LRRC4C: variants seen among roughly 807,000 people sequenced by gnomAD.
LRRC4C encodes leucine-rich repeat-containing protein 4C.
LRRC4C carries 5 observed loss-of-function variants against 33.6 expected under a neutral mutation model. The observed-to-expected ratio is 0.15, with a 90% CI of 0.08 to 0.31. The LOEUF is 0.31. Among genes scored for constraint, LRRC4C ranks in the 10% least tolerant of loss-of-function variants. The probability of loss-of-function intolerance (pLI) is 1.00; values close to 1 mark genes in which losing one functional copy is unlikely to be tolerated. For missense variants in LRRC4C, 560 were observed against 796.7 expected (o/e 0.70, Z 3.58); for synonymous variants, 329 against 302.0 (o/e 1.09, Z -0.93).
At chr11:40,467,631 C>A (rs1192670714) in intron 3 of LRRC4C, among the ~76,000 whole-genome samples, 12 of 152,124 alleles carry the variant, frequency 7.9e-5, no homozygotes, top group Non-Finnish European at 1.8e-4. Flanking sequence ...GTTTGCAAAA[C>A]TGTTCTTGAG....
At chr11:41,262,787 A>G (rs1005657114) in intron 1 of LRRC4C, among the ~76,000 whole-genome samples, 1 of 152,146 alleles carries the variant, frequency 6.6e-6, no homozygotes, top group Non-Finnish European at 1.5e-5. Context: ...ATTAGCAAGA[A>G]TAAAATAGGA....
intron 4 of LRRC4C, among the ~76,000 whole-genome samples, chr11:40,249,911 A>G (rs1866646286): frequency 6.6e-6 from 1 of 152,244 alleles, no homozygotes; most frequent in Non-Finnish European, 1.5e-5. Context: ...TTTAGTGCAG[A>G]ATAAAGTATA....
intron 2 of LRRC4C, among the ~76,000 whole-genome samples, chr11:40,928,461 G>T (rs1335264977): frequency 6.6e-6 from 1 of 151,836 alleles, no homozygotes; most frequent in Admixed American, 6.6e-5. Context: ...CACAATATGG[G>T]AGTAGTGGAA....
At chr11:40,826,134 C>T (rs371174978) in intron 2 of LRRC4C, among the ~76,000 whole-genome samples, 1 of 151,872 alleles carries the variant, frequency 6.6e-6, no homozygotes, top group Non-Finnish European at 1.5e-5. Flanking sequence ...TGTTAAAGAG[C>T]AAATCATTCC....
intron 1 of LRRC4C, among the ~76,000 whole-genome samples, chr11:41,411,190 C>A (rs1954472850): frequency 1.3e-5 from 1 of 74,818 alleles, no homozygotes. Context: ...GCTCTGTCGC[C>A]CAGGCTGGAG....
At chr11:40,273,411 A>G in intron 4 of LRRC4C, among the ~76,000 whole-genome samples, 1 of 152,158 alleles carries the variant, frequency 6.6e-6, no homozygotes, top group Non-Finnish European at 1.5e-5. Context: ...ACACTACCTT[A>G]AGGCAATGCT....
At chr11:40,239,009 A>C (rs1040765538) in intron 5 of LRRC4C, among the ~76,000 whole-genome samples, 1 of 152,170 alleles carries the variant, frequency 6.6e-6, no homozygotes, top group Non-Finnish European at 1.5e-5. Context: ...TTAAATTTCA[A>C]CATGGTACTA....
chr11:41,123,678 T>TG (rs924068766), intron 1 of LRRC4C, among the ~76,000 whole-genome samples: 4 of 95,830 alleles, frequency 4.2e-5, no homozygotes, highest in Non-Finnish European at 1.0e-4. Context: ...GTTCACTCAA[T>TG]TTTTTCTCAG....
At chr11:40,194,906 G>T (rs1271571573) in intron 5 of LRRC4C, among the ~76,000 whole-genome samples, 1 of 142,570 alleles carries the variant, frequency 7.0e-6, no homozygotes, top group Non-Finnish European at 1.5e-5. Context: ...GGCTAACACG[G>T]TGGAACCCCG....
chr11:40,969,889 T>A (rs922963625), intron 1 of LRRC4C, among the ~76,000 whole-genome samples: 46 of 152,170 alleles, frequency 3.0e-4, no homozygotes, highest in African/African-American at 1.1e-3. Flanking sequence ...TCCCCTTCAG[T>A]TTGCCAAAGT....
intron 4 of LRRC4C, among the ~76,000 whole-genome samples, chr11:40,259,645 C>T (rs1190524771): frequency 6.6e-6 from 1 of 152,128 alleles, no homozygotes; most frequent in Non-Finnish European, 1.5e-5. Flanking sequence ...GCCAGTTTTC[C>T]CATCACCATT....
intron 3 of LRRC4C, among the ~76,000 whole-genome samples, chr11:40,456,647 C>G: frequency 6.6e-6 from 1 of 151,952 alleles, no homozygotes; most frequent in East Asian, 1.9e-4. Flanking sequence ...AAAATTCCGT[C>G]TTTAGATTGA....
intron 3 of LRRC4C, among the ~76,000 whole-genome samples, chr11:40,476,665 A>C (rs1953252634): frequency 6.6e-6 from 1 of 152,140 alleles, no homozygotes; most frequent in Admixed American, 6.5e-5. Context: ...TTTCTTAAAC[A>C]TTAAATTCTA....
intron 2 of LRRC4C, among the ~76,000 whole-genome samples, chr11:40,894,229 C>T (rs1955843403): frequency 6.6e-6 from 1 of 152,020 alleles, no homozygotes; most frequent in Non-Finnish European, 1.5e-5. Flanking sequence ...TGATACATGT[C>T]TCTAAAATGC....
intron 1 of LRRC4C, among the ~76,000 whole-genome samples, chr11:41,164,465 TAATA>T (rs1482016828): frequency 1.3e-5 from 2 of 152,086 alleles, no homozygotes; most frequent in African/African-American, 4.8e-5. Flanking sequence ...TCTAAAATAA[TAATA>T]AAAAGAATAG....
intron 3 of LRRC4C, among the ~76,000 whole-genome samples, chr11:40,637,736 A>G (rs1941837143): frequency 6.6e-6 from 1 of 152,178 alleles, no homozygotes; most frequent in Non-Finnish European, 1.5e-5. Context: ...ATCTACCACC[A>G]TGGTCCAAGA....
At chr11:41,322,610 C>G (rs1434478078) in intron 1 of LRRC4C, among the ~76,000 whole-genome samples, 3 of 152,090 alleles carry the variant, frequency 2.0e-5, no homozygotes, top group African/African-American at 7.2e-5. Context: ...AATTATAATT[C>G]TTTAAAGATT....
At chr11:40,246,653 T>A (rs952088752) in intron 4 of LRRC4C, among the ~76,000 whole-genome samples, 5 of 152,162 alleles carry the variant, frequency 3.3e-5, no homozygotes, top group African/African-American at 7.2e-5. Flanking sequence ...CTGTTTTTTT[T>A]AATAATTCTG....
At chr11:41,325,736 A>C (rs12420631) in intron 1 of LRRC4C, among the ~76,000 whole-genome samples, 27,232 of 151,954 alleles carry the variant, frequency 0.18, 2,842 homozygotes, top group East Asian at 0.45. Context: ...TCTGTTAGGA[A>C]TGTTTAGTCA....
Sources: allele counts gnomAD v4.1 joint callset (sites outside exome capture counted in the v4.1 genomes callset), GRCh38; gene constraint gnomAD v4.1.1; transcripts MANE v1.5; gene names NCBI Gene and HGNC (gene_info 2026-07-23, HGNC 2026-07-21).